ARL15: variants seen among roughly 807,000 people sequenced by gnomAD.
ARL15 encodes the protein ADP-ribosylation factor-like protein 15.
Under a neutral mutation model 25.2 loss-of-function variants are expected in ARL15, and 19 were observed. The observed-to-expected ratio is 0.75, with a 90% CI of 0.53 to 1.10. The LOEUF (loss-of-function observed/expected upper bound fraction) is 1.10, where lower values mean the gene tolerates loss of function less well. ARL15 is among the 50% of genes least tolerant of loss of function. The probability of loss-of-function intolerance (pLI) is 0.00; values close to 1 mark genes in which losing one functional copy is unlikely to be tolerated. For missense variants in ARL15, 220 were observed against 246.0 expected, an observed-to-expected ratio of 0.89 and a Z score of 0.71; for synonymous variants, 94 against 86.8, an observed-to-expected ratio of 1.08 and a Z score of -0.46.
At chr5:53,955,283 T>C (rs1747108840) in intron 4 of ARL15, among the ~76,000 whole-genome samples, 1 of 152,118 alleles carries the variant, frequency 6.6e-6, no homozygotes, top group Non-Finnish European at 1.5e-5. Flanking sequence ...ATCACTTTTC[T>C]GCCAAGCTAA....
chr5:54,141,331 C>T (rs534598300), intron 3 of ARL15, among the ~76,000 whole-genome samples: 8 of 151,944 alleles, frequency 5.3e-5, no homozygotes, highest in African/African-American at 1.9e-4. Context: ...TAGAAACTGA[C>T]GGTTTTCTTT....
chr5:54,066,339 AT>A (rs1344344385), intron 4 of ARL15, among the ~76,000 whole-genome samples: 1 of 152,222 alleles, frequency 6.6e-6, no homozygotes, highest in Non-Finnish European at 1.5e-5. Flanking sequence ...TAAGGAGGCC[AT>A]TTGCCATGTT....
chr5:53,955,136 T>C (rs1477925904), intron 4 of ARL15, among the ~76,000 whole-genome samples: 2 of 150,560 alleles, frequency 1.3e-5, no homozygotes, highest in African/African-American at 4.9e-5. Context: ...CCCCTCCACC[T>C]AAGGACTGTA....
intron 4 of ARL15, among the ~76,000 whole-genome samples, chr5:54,099,353 T>A (rs1752372295): frequency 6.6e-6 from 1 of 152,042 alleles, no homozygotes; most frequent in Admixed American, 6.6e-5. Flanking sequence ...GGTTTCCTCA[T>A]AACTAGAGAG....
chr5:54,076,126 G>T (rs1175622411), intron 4 of ARL15, among the ~76,000 whole-genome samples: 2 of 152,062 alleles, frequency 1.3e-5, no homozygotes, highest in East Asian at 3.9e-4. Context: ...AAGAAATCAG[G>T]ATAATATAGG....
At chr5:54,238,386 T>A (rs1194489447) in intron 1 of ARL15, among the ~76,000 whole-genome samples, 1 of 151,912 alleles carries the variant, frequency 6.6e-6, no homozygotes, top group Non-Finnish European at 1.5e-5. Context: ...ACAATAAGAA[T>A]AATAAAGAAC....
intron 4 of ARL15, among the ~76,000 whole-genome samples, chr5:53,950,211 T>C (rs1746898438): frequency 6.6e-6 from 1 of 151,758 alleles, no homozygotes; most frequent in African/African-American, 2.4e-5. Context: ...AGAGAAATGC[T>C]TGAGGCCAGG....
rs564861378 is a variant in ARL15, at chr5:54,070,253, G to A, written c.462+42949C>T. Reference sequence around the variant, plus strand: ...TAAAAATACAAAAAATTAGCCGGGCGTGGTGCCGGGCGCCTGTAGTCCCAG... The same window carrying A: ...TAAAAATACAAAAAATTAGCCGGGCATGGTGCCGGGCGCCTGTAGTCCCAG... On this transcript the variant is annotated intron_variant, in intron 4 of 4. Coordinates refer to ENST00000504924, the MANE Select transcript of ARL15 (RefSeq NM_019087.3). Among the ~76,000 whole-genome samples, 641 of 151,864 alleles carry A rather than the reference G, an allele frequency of 4.2e-3. 2 individuals are homozygous for A. The highest frequency in any genetic ancestry group is 0.015 in the African/African-American group (607 of 41,470).
chr5:54,001,069 A>G (rs1023030110), intron 4 of ARL15, among the ~76,000 whole-genome samples: 7 of 152,186 alleles, frequency 4.6e-5, no homozygotes. Flanking sequence ...ATATTTTAGT[A>G]CTTTTAATGG....
chr5:54,180,290 T>A (rs550009820), intron 1 of ARL15, among the ~76,000 whole-genome samples: 2 of 152,170 alleles, frequency 1.3e-5, no homozygotes, highest in African/African-American at 4.8e-5. Flanking sequence ...AGGTCTATAA[T>A]GAGCATGCGA....
At chr5:54,170,562 T>C (rs986598558) in intron 2 of ARL15, among the ~76,000 whole-genome samples, 2 of 152,232 alleles carry the variant, frequency 1.3e-5, no homozygotes, top group Non-Finnish European at 2.9e-5. Flanking sequence ...ATGCAGTTTC[T>C]AGGAGTTGCC....
At chr5:54,221,868 CACAA>C (rs955805767) in intron 1 of ARL15, among the ~76,000 whole-genome samples, 3 of 143,120 alleles carry the variant, frequency 2.1e-5, no homozygotes, top group African/African-American at 7.9e-5. Flanking sequence ...CACACACACA[CACAA>C]AACCCTCATG....
chr5:53,949,718 A>G (rs894797029), intron 4 of ARL15, among the ~76,000 whole-genome samples: 1 of 152,252 alleles, frequency 6.6e-6, no homozygotes, highest in Non-Finnish European at 1.5e-5. Context: ...ATTTTGAAGT[A>G]GAACAAAAAG....
At chr5:54,061,687 T>C (rs1751066491) in intron 4 of ARL15, among the ~76,000 whole-genome samples, 1 of 152,328 alleles carries the variant, frequency 6.6e-6, no homozygotes, top group Middle Eastern at 3.4e-3. Flanking sequence ...AATGCCTGAA[T>C]GCCCAGATAG....
intron 4 of ARL15, among the ~76,000 whole-genome samples, chr5:53,979,028 T>C (rs1242733401): frequency 6.6e-6 from 1 of 152,178 alleles, no homozygotes. Context: ...TTTGTGTCTT[T>C]ATCAAGGGAG....
rs1466405713 is a variant in ARL15 at position 54,231,611 on chromosome 5, T to C, written c.49-59683A>G. On this transcript the variant is annotated intron_variant, in intron 1 of 4. Coordinates refer to ENST00000504924, the MANE Select transcript of ARL15 (RefSeq NM_019087.3). ...CTACCATGACAAAATACCAAGACCC[T>C]GGGTGGCTTAAACAACAGAAATGTA... Among the ~76,000 whole-genome samples, 5 of 152,146 alleles carry C rather than the reference T, an allele frequency of 3.3e-5. No individual in the cohort carries two copies. In the East Asian group the frequency reaches 9.7e-4, roughly 29 times the overall value.
intron 4 of ARL15, among the ~76,000 whole-genome samples, chr5:54,068,961 G>A (rs1206446297): frequency 2.0e-5 from 3 of 152,066 alleles, no homozygotes; most frequent in South Asian, 2.1e-4. Flanking sequence ...TACCTAATAC[G>A]ATACACATGC....
chr5:54,052,810 C>T (rs564457413), intron 4 of ARL15, among the ~76,000 whole-genome samples: 1 of 152,156 alleles, frequency 6.6e-6, no homozygotes, highest in South Asian at 2.1e-4. Flanking sequence ...AGCAATAATA[C>T]CCCAGTGGCA....
intron 1 of ARL15, among the ~76,000 whole-genome samples, chr5:54,234,487 A>C (rs1756750636): frequency 6.6e-6 from 1 of 152,114 alleles, no homozygotes; most frequent in Admixed American, 6.5e-5. Context: ...TTGCCCATGA[A>C]GCTTCCCTAG....
Sources: gnomAD v4.1 joint callset for allele counts (sites outside exome capture counted in the v4.1 genomes callset) on GRCh38, gnomAD v4.1.1 for gene constraint, MANE v1.5 for transcripts, NCBI Gene and HGNC (gene_info 2026-07-23, HGNC 2026-07-21) for gene names.